Variants in NDUFAF2 observed in about 807,000 individuals in gnomAD.
NDUFAF2 encodes the protein NADH dehydrogenase [ubiquinone] 1 alpha subcomplex assembly factor 2.
A neutral mutation model predicts 22.8 loss-of-function variants in NDUFAF2; 13 were observed. The ratio of observed to expected loss-of-function variants is 0.57; its 90% CI spans 0.37 to 0.91. The LOEUF (loss-of-function observed/expected upper bound fraction) is 0.91. NDUFAF2 is among the 40% of genes least tolerant of loss of function. The pLI is 0.01. For missense variants in NDUFAF2, 162 were observed against 195.2 expected, an observed-to-expected ratio of 0.83 and a Z score of 1.01; for synonymous variants, 53 against 64.2, an observed-to-expected ratio of 0.83 and a Z score of 0.84.
At chr5:61,073,516 G>T (rs1262455515) in intron 2 of NDUFAF2, among the ~76,000 whole-genome samples, 1 of 152,204 alleles carries the variant, frequency 6.6e-6, no homozygotes, top group Non-Finnish European at 1.5e-5. Flanking sequence ...TTCATGTAGT[G>T]ACCCAGCACT....
chr5:61,095,420 G>T (rs1157499991), intron 2 of NDUFAF2, among the ~76,000 whole-genome samples: 1 of 152,224 alleles, frequency 6.6e-6, no homozygotes, highest in Non-Finnish European at 1.5e-5. Context: ...GTTGCCAGTG[G>T]TTGGCTGGAA....
At chr5:61,002,359 T>C (rs760004083) in intron 1 of NDUFAF2, among the ~76,000 whole-genome samples, 4 of 152,184 alleles carry the variant, frequency 2.6e-5, no homozygotes, top group Non-Finnish European at 5.9e-5. Context: ...TAAGTAGTCA[T>C]ATTTTTTCTT....
chr5:61,035,207 C>G (rs544952864), intron 1 of NDUFAF2, among the ~76,000 whole-genome samples: 2 of 151,782 alleles, frequency 1.3e-5, no homozygotes, highest in South Asian at 2.1e-4. Context: ...GCTGGGATTA[C>G]AGGCATGCTC....
intron 1 of NDUFAF2, among the ~76,000 whole-genome samples, chr5:61,004,048 A>G (rs1034645507): frequency 3.3e-5 from 5 of 152,026 alleles, no homozygotes; most frequent in African/African-American, 7.2e-5. Flanking sequence ...GATAGTTTAC[A>G]CTGTAATAAC....
At chr5:61,049,200 A>T (rs903881103) in intron 1 of NDUFAF2, among the ~76,000 whole-genome samples, 1 of 152,116 alleles carries the variant, frequency 6.6e-6, no homozygotes, top group Non-Finnish European at 1.5e-5. Flanking sequence ...AAACTGTTAT[A>T]AATAAGTCCC....
intron 3 of NDUFAF2, among the ~76,000 whole-genome samples, chr5:61,126,586 C>T (rs576083808): frequency 4.6e-5 from 7 of 152,160 alleles, no homozygotes; most frequent in Admixed American, 3.9e-4. Context: ...AGTAAATTTA[C>T]ATCACATTGT....
chr5:61,141,781 A>G (rs984872166), intron 3 of NDUFAF2, among the ~76,000 whole-genome samples: 41 of 152,144 alleles, frequency 2.7e-4, no homozygotes, highest in African/African-American at 9.7e-4. Context: ...GCCTCTGACC[A>G]TATTTTTTAT....
chr5:61,139,948 C>G (rs906372168), intron 3 of NDUFAF2, among the ~76,000 whole-genome samples: 2 of 152,256 alleles, frequency 1.3e-5, no homozygotes, highest in Non-Finnish European at 1.5e-5. Flanking sequence ...GGGACCACCC[C>G]TACATCCCCT....
At chr5:61,069,239 T>C (rs1752266499) in intron 1 of NDUFAF2, among the ~76,000 whole-genome samples, 1 of 151,918 alleles carries the variant, frequency 6.6e-6, no homozygotes, top group African/African-American at 2.4e-5. Context: ...AGGGTAAATG[T>C]AATCCAAGCA....
At chr5:60,985,885 G>A (rs889540769) in intron 1 of NDUFAF2, among the ~76,000 whole-genome samples, 1 of 152,070 alleles carries the variant, frequency 6.6e-6, no homozygotes, top group African/African-American at 2.4e-5. Context: ...ATGAGATTTG[G>A]GTGGGGACAC....
intron 1 of NDUFAF2, among the ~76,000 whole-genome samples, chr5:61,071,675 A>G (rs1752301432): frequency 6.6e-6 from 1 of 152,188 alleles, no homozygotes; most frequent in Non-Finnish European, 1.5e-5. Context: ...TGTAAGGTCC[A>G]AATTTCTCTC....
At chr5:61,107,085 A>G (rs943884032) in intron 3 of NDUFAF2, among the ~76,000 whole-genome samples, 1 of 150,520 alleles carries the variant, frequency 6.6e-6, no homozygotes, top group African/African-American at 2.5e-5. Context: ...ACACACACAC[A>G]CACACATATA....
chr5:60,961,970 A>G (rs1434207789), intron 1 of NDUFAF2, among the ~76,000 whole-genome samples: 1 of 152,020 alleles, frequency 6.6e-6, no homozygotes, highest in Non-Finnish European at 1.5e-5. Flanking sequence ...CTAAAAAAAA[A>G]AAAATCTTAA....
intron 3 of NDUFAF2, among the ~76,000 whole-genome samples, chr5:61,131,260 A>T (rs919836473): frequency 4.0e-5 from 6 of 150,788 alleles, no homozygotes; most frequent in African/African-American, 1.5e-4. Context: ...CAGTGGAAAG[A>T]TCATAGCTAA....
intron 2 of NDUFAF2, among the ~76,000 whole-genome samples, chr5:61,074,505 T>A (rs1752341808): frequency 6.6e-6 from 1 of 152,152 alleles, no homozygotes; most frequent in Non-Finnish European, 1.5e-5. Flanking sequence ...GAGAATCACT[T>A]GAACCCGGGG....
intron 1 of NDUFAF2, among the ~76,000 whole-genome samples, chr5:60,992,142 A>G (rs988487049): frequency 2.6e-5 from 4 of 152,068 alleles, no homozygotes; most frequent in African/African-American, 9.7e-5. Flanking sequence ...TGATCTAATT[A>G]TTGGATTTTC....
At chr5:60,981,026 A>G (rs2112578511) in intron 1 of NDUFAF2, among the ~76,000 whole-genome samples, 1 of 152,292 alleles carries the variant, frequency 6.6e-6, no homozygotes, top group Non-Finnish European at 1.5e-5. Context: ...TTATTCAAAG[A>G]GGTAATAGAG....
chr5:61,040,303 A>C (rs200735038), intron 1 of NDUFAF2, among the ~76,000 whole-genome samples: 8,830 of 137,174 alleles, frequency 0.064, 310 homozygotes, highest in African/African-American at 0.087. Context: ...CGCGCGCGCG[A>C]AAGTTGAAAG....
At chr5:61,041,385 T>G (rs1751880482) in intron 1 of NDUFAF2, among the ~76,000 whole-genome samples, 1 of 152,144 alleles carries the variant, frequency 6.6e-6, no homozygotes, top group Non-Finnish European at 1.5e-5. Flanking sequence ...CTAATGACTA[T>G]TTGAGGTGGT....
Sources: allele counts gnomAD v4.1 joint callset (sites outside exome capture counted in the v4.1 genomes callset), GRCh38; gene constraint gnomAD v4.1.1; transcripts MANE v1.5; gene names NCBI Gene and HGNC (gene_info 2026-07-23, HGNC 2026-07-21).